PGD: variants seen among roughly 807,000 people sequenced by gnomAD.
PGD encodes phosphogluconate dehydrogenase.
A neutral mutation model predicts 60.4 loss-of-function variants in PGD; 21 were observed. The ratio of observed to expected loss-of-function variants is 0.35; its 90% CI spans 0.25 to 0.50. The LOEUF is 0.50. Ranked by LOEUF, PGD falls within the 20% of genes least tolerant of loss-of-function variation. The pLI, the probability that PGD is intolerant of heterozygous loss-of-function variation, is 0.98. For missense variants in PGD, 477 were observed against 613.1 expected, an observed-to-expected ratio of 0.78 and a Z score of 2.34; for synonymous variants, 230 against 235.9, an observed-to-expected ratio of 0.97 and a Z score of 0.23.
intron 7 of PGD, chr1:10,412,787 G>C (rs1015242382): frequency 1.2e-5 from 4 of 333,302 alleles, no homozygotes; most frequent in African/African-American, 8.2e-5. Flanking sequence ...CTGAGGAGGC[G>C]ACACTGCACA....
chr1:10,402,450 C>T (rs1239107077), intron 3 of PGD, among the ~76,000 whole-genome samples: 2 of 151,606 alleles, frequency 1.3e-5, no homozygotes, highest in African/African-American at 4.8e-5. Context: ...GCGTTGGCCT[C>T]CTGCCAAGCC....
Position 10,408,120 on chromosome 1 carries a change from G to A in PGD, c.499G>A (p.Gly167Arg). Reference protein sequence around the residue: ...FQGIAAKVGTGEPCCDWVGDE... With the variant: ...FQGIAAKVGTREPCCDWVGDE... ...AGGCATTGCTGCAAAAGTGGGAACT[G>A]GAGAACCCTGCTGTGACTGGGCAAG... is the stretch of plus-strand genomic sequence containing the variant. The change falls in exon 6 of 13, where the codon GGA (glycine) becomes AGA (arginine). Residue 167 changes from glycine (G) to arginine (R), a missense_variant. By Grantham distance (125) the Gly-to-Arg change is moderately radical. This residue lies in a region of PGD where 431 missense variants were observed against 556.6 expected (regional missense o/e 0.77). Transcript: ENST00000270776. The A allele has an allele frequency of 6.2e-7, 1 of 1,600,974 alleles. No individual in the cohort carries two copies. The highest frequency in any genetic ancestry group is 2.2e-5 in the East Asian group (1 of 44,820).
At chr1:10,414,492 A>T (rs1557764700) in intron 8 of PGD, among the ~76,000 whole-genome samples, 1 of 151,916 alleles carries the variant, frequency 6.6e-6, no homozygotes, top group Non-Finnish European at 1.5e-5. Flanking sequence ...CTCCTGCCTC[A>T]GCCTCCCGAG....
chr1:10,402,681 G>A (rs1344286618), intron 3 of PGD, among the ~76,000 whole-genome samples: 15 of 151,772 alleles, frequency 9.9e-5, no homozygotes, highest in Middle Eastern at 3.4e-3. Context: ...CTGCCACAAC[G>A]CCCGGCTAAT....
chr1:10,399,823 G>C, intron 2 of PGD, 119 bp downstream of exon 2: 1 of 859,628 alleles, frequency 1.2e-6, no homozygotes, highest in Non-Finnish European at 1.9e-6. Flanking sequence ...CTCTGTTGCT[G>C]CTCGTGGCAT....
intron 6 of PGD, among the ~76,000 whole-genome samples, 154 bp downstream of exon 6, chr1:10,408,294 G>A (rs1639442547): frequency 6.6e-6 from 1 of 152,190 alleles, no homozygotes; most frequent in Non-Finnish European, 1.5e-5. Context: ...CGCCTAGAAT[G>A]CATGCCTGCT....
In PGD at chr1:10,419,734, G is replaced by A. The variant is rs41274480; in HGVS notation, c.1437G>A (p.Ser479=). 0.026 allele frequency: 42,143 copies of A among 1,614,086 alleles called. 702 individuals are homozygous for A. Among genetic ancestry groups the A allele is most frequent in the Middle Eastern group, 0.085 (513 of 6,062 alleles). Residue 479 remains serine, a synonymous_variant, in exon 13 of 13, where the codon TCG becomes TCA. Transcript: ENST00000270776. ...GCCATGGTGGCACCGTGTCATCCTCGTCATACAATGCCTGATCATGCTGCT... is the reference window on the plus strand; with the variant it reads ...GCCATGGTGGCACCGTGTCATCCTCATCATACAATGCCTGATCATGCTGCT... ...WTGHGGTVSS[S]SYNA
intron 5 of PGD, among the ~76,000 whole-genome samples, chr1:10,405,942 C>G (rs1005094317): frequency 2.6e-5 from 4 of 152,178 alleles, no homozygotes; most frequent in Non-Finnish European, 5.9e-5. Flanking sequence ...CAAGCCCCAC[C>G]TGCCAGGTTC....
Position 10,409,807 on chromosome 1 carries a change from C to T in PGD, c.520-1611C>T, listed in dbSNP as rs143488885. The stretch of plus-strand genomic sequence containing the variant: ...TGTAGCTGGGATTACAGGCATGTGC[C>T]ACCATGCCTGGCTAATTTTTGTATT... On this transcript the variant is annotated intron_variant, in intron 6 of 12. Transcript: ENST00000270776. Among the ~76,000 whole-genome samples, 803 of 152,054 alleles carry T rather than the reference C, an allele frequency of 5.3e-3. 9 individuals carry two copies. The highest frequency in any genetic ancestry group is 0.018 in the African/African-American group (747 of 41,484).
At position 10,411,791 on chromosome 1, in the gene PGD, G is replaced by T. The variant is rs556387406; in HGVS notation, c.654+239G>T. 1.4e-4 allele frequency among the ~76,000 whole-genome samples: 21 copies of T among 152,262 alleles called. 1 individual carries two copies. Among genetic ancestry groups the T allele is most frequent in the African/African-American group, 5.1e-4 (21 of 41,532 alleles). On this transcript the variant is annotated intron_variant, in intron 7 of 12. Transcript: ENST00000270776. Reference sequence around the variant, plus strand: ...ACCACCATTTAGCGTAGCTTACCTGGTGTCAGGCACTGTGTCACTCCACAT... The same window carrying T: ...ACCACCATTTAGCGTAGCTTACCTGTTGTCAGGCACTGTGTCACTCCACAT...
At position 10,413,232 on chromosome 1, in the gene PGD, C is replaced by T. The variant is rs762844112; in HGVS notation, c.825C>T (p.Gly275=). The change falls in exon 8 of 13, where the codon GGC becomes GGT. Residue 275 remains glycine, a synonymous_variant. Transcript: ENST00000270776. ...KWTAISALEY[G]VPVTLIGEAV... The stretch of plus-strand genomic sequence containing the variant: ...CCGCCATCTCCGCCCTGGAATACGG[C>T]GTACCCGTCACCCTCATTGGTAATG... The T allele has an allele frequency of 1.4e-5, 23 of 1,613,924 alleles. No individual in the cohort carries two copies. The highest frequency in any genetic ancestry group is 1.6e-4 in the Middle Eastern group (1 of 6,084).
intron 8 of PGD, among the ~76,000 whole-genome samples, chr1:10,415,067 G>A (rs2124210270): frequency 6.6e-6 from 1 of 150,782 alleles, no homozygotes; most frequent in South Asian, 2.1e-4. Flanking sequence ...CTCCAGGCTG[G>A]GCGACCGAGC....
chr1:10,407,963 AGAAAG>A (rs1248744031), intron 5 of PGD, 103 bp from the exon 6 acceptor site: 13 of 715,366 alleles, frequency 1.8e-5, no homozygotes, highest in South Asian at 3.2e-5. Context: ...AAAAAAAAAA[AGAAAG>A]GAAAAGATAG....
At chr1:10,404,463 C>T (rs553402019) in intron 5 of PGD, among the ~76,000 whole-genome samples, 184 bp downstream of exon 5, 2 of 151,304 alleles carry the variant, frequency 1.3e-5, no homozygotes, top group African/African-American at 4.8e-5. Context: ...GCACAATCCT[C>T]TTTTGCCTTT....
In PGD at chr1:10,400,541, G is replaced by T; in HGVS notation, c.233G>T (p.Gly78Val). 2 of 1,613,914 alleles carry T rather than the reference G, an allele frequency of 1.2e-6. No homozygotes were observed. The highest frequency in any genetic ancestry group is 8.5e-7 in the Non-Finnish European group (1 of 1,179,930). Residue 78 changes from glycine to valine, a missense_variant, in exon 3 of 13, where the codon GGG becomes GTG. Gly to Val is a moderately radical substitution (Grantham distance 109, BLOSUM62 -3). Coordinates refer to ENST00000270776, the MANE Select transcript of PGD (RefSeq NM_002631.4). ...PRRIILLVKAGQAVDDFIEKL... is the reference protein window; with the variant it reads ...PRRIILLVKAVQAVDDFIEKL... ...CGGATCATCCTCCTGGTGAAGGCTG[G>T]GCAAGCTGTGGATGATTTCATCGAG...
intron 7 of PGD, 119 bp downstream of exon 7, chr1:10,411,671 G>C (rs1192566339): frequency 8.8e-7 from 1 of 1,142,418 alleles, no homozygotes; most frequent in African/African-American, 1.5e-5. Flanking sequence ...CATGGACTCA[G>C]CCTAATTTGA....
At chr1:10,413,287 A>G (rs763004614) in intron 8 of PGD, 36 bp downstream of exon 8, 7 of 1,570,564 alleles carry the variant, frequency 4.5e-6, no homozygotes, top group Admixed American at 1.7e-5. Context: ...CCTTTCGTCC[A>G]CTATTCTGAT....
At chr1:10,399,168 C>T in intron 1 of PGD, 43 bp downstream of exon 1, 1 of 1,603,876 alleles carries the variant, frequency 6.2e-7, no homozygotes, top group Non-Finnish European at 8.5e-7. Flanking sequence ...CCTCAGCGGG[C>T]GGGGAACTCT....
intron 10 of PGD, 55 bp downstream of exon 10, chr1:10,417,564 A>G (rs1201711294): frequency 6.5e-7 from 1 of 1,549,716 alleles, no homozygotes; most frequent in Non-Finnish European, 8.7e-7. Flanking sequence ...GCTGTGCAGA[A>G]GTGCGATCTT....
Sources: allele counts gnomAD v4.1 joint callset (sites outside exome capture counted in the v4.1 genomes callset), GRCh38; gene constraint gnomAD v4.1.1; regional missense constraint gnomAD v4.1.1; transcripts MANE v1.5; gene names NCBI Gene and HGNC (gene_info 2026-07-23, HGNC 2026-07-21).